Variants in CRTAC1 observed in about 807,000 individuals in gnomAD.
The protein encoded by CRTAC1 is cartilage acidic protein 1.
A neutral mutation model predicts 67.8 loss-of-function variants in CRTAC1; 37 were observed. That is an observed-to-expected ratio of 0.55 (90% CI 0.42 to 0.72). CRTAC1 has a LOEUF of 0.72. Ranked by LOEUF, CRTAC1 falls within the 30% of genes least tolerant of loss-of-function variation. The pLI, the probability that CRTAC1 is intolerant of heterozygous loss-of-function variation, is 0.00. For synonymous variants in CRTAC1, 348 were observed against 371.0 expected (o/e 0.94, Z 0.71); for missense variants, 780 against 931.6 (o/e 0.84, Z 2.12).
At chr10:97,940,282 C>G (rs1814962242) in intron 2 of CRTAC1, among the ~76,000 whole-genome samples, 1 of 152,192 alleles carries the variant, frequency 6.6e-6, no homozygotes, top group African/African-American at 2.4e-5. Flanking sequence ...GCTGGCAGTC[C>G]CCACGCTGAC....
At chr10:97,897,021 T>C (rs556719516) in intron 8 of CRTAC1, 30 bp from the exon 9 acceptor site, 1 of 1,523,838 alleles carries the variant, frequency 6.6e-7, no homozygotes, top group South Asian at 1.2e-5. Context: ...CTTGCTCTGG[T>C]GGGGTCTCAG....
At chr10:97,961,049 T>A (rs1302993373) in intron 2 of CRTAC1, among the ~76,000 whole-genome samples, 1 of 152,224 alleles carries the variant, frequency 6.6e-6, no homozygotes, top group East Asian at 1.9e-4. Context: ...AGGACCATCG[T>A]GTCATTGTGT....
intron 2 of CRTAC1, among the ~76,000 whole-genome samples, chr10:97,943,266 G>C (rs1013934617): frequency 4.6e-5 from 7 of 152,082 alleles, no homozygotes; most frequent in Non-Finnish European, 1.5e-5. Context: ...CAAGCACAGA[G>C]AAAATGATAT....
chr10:97,906,590 A>T (rs1189984615), intron 6 of CRTAC1, among the ~76,000 whole-genome samples: 1 of 152,048 alleles, frequency 6.6e-6, no homozygotes. Context: ...GGTTTTCTCC[A>T]CTATTCCCTC....
Position 97,959,463 on chromosome 10 carries a change from G to A in CRTAC1, c.225-23097C>T, listed in dbSNP as rs147942966. Among the ~76,000 whole-genome samples, 939 of 152,318 alleles carry A rather than the reference G, an allele frequency of 6.2e-3. 3 individuals are homozygous for A. Among genetic ancestry groups the A allele is most frequent in the Middle Eastern group, 0.014 (4 of 294 alleles). On this transcript the variant is annotated intron_variant, in intron 2 of 14. Coordinates refer to ENST00000370597, the MANE Select transcript of CRTAC1 (RefSeq NM_018058.7). ...GGAAAATTCATTCCTTGTCTATAAG[G>A]AATATCTGAGCTCCTGGCTCATTCC...
At chr10:97,951,082 A>T (rs2051348081) in intron 2 of CRTAC1, among the ~76,000 whole-genome samples, 1 of 152,156 alleles carries the variant, frequency 6.6e-6, no homozygotes, top group South Asian at 2.1e-4. Context: ...AGTGCCCTGT[A>T]TCTGTCAAGA....
intron 1 of CRTAC1, among the ~76,000 whole-genome samples, chr10:98,028,602 G>A (rs1843290057): frequency 6.6e-6 from 1 of 152,160 alleles, no homozygotes; most frequent in African/African-American, 2.4e-5. Context: ...CAAACATCAA[G>A]GTACCAAGGA....
rs528056401 is a variant in CRTAC1, at chr10:97,930,910, C to T, written c.421+5260G>A. Among the ~76,000 whole-genome samples the T allele has an allele frequency of 6.6e-5, 6 of 91,492 alleles. No individual in the cohort carries two copies. The South Asian group carries it at 3.1e-3, about 47-fold the overall frequency. The allele number at this position is 91,492 out of a possible 152,430, so 60.0% of individuals were successfully genotyped here. On this transcript the variant is annotated intron_variant, in intron 3 of 14. Transcript: ENST00000370597. ...AAATTTTCCACATTACAACATCCAC[C>T]AAGAGCAAAGACAAAAAAAAAAAAT...
At chr10:97,957,071 T>G (rs1384257799) in intron 2 of CRTAC1, among the ~76,000 whole-genome samples, 3 of 151,870 alleles carry the variant, frequency 2.0e-5, no homozygotes, top group African/African-American at 7.3e-5. Flanking sequence ...CACCTTGGCC[T>G]CTTAAAGTGT....
intron 11 of CRTAC1, among the ~76,000 whole-genome samples, chr10:97,890,603 C>G (rs1190843732): frequency 2.6e-5 from 4 of 152,054 alleles, no homozygotes; most frequent in Non-Finnish European, 5.9e-5. Flanking sequence ...CTCCTTGTTG[C>G]CCCTTCCTCT....
At chr10:97,965,268 C>T (rs915202852) in intron 2 of CRTAC1, among the ~76,000 whole-genome samples, 2 of 152,220 alleles carry the variant, frequency 1.3e-5, no homozygotes, top group African/African-American at 4.8e-5. Flanking sequence ...TGTGTGCCAA[C>T]TCAGCCCAAG....
intron 3 of CRTAC1, among the ~76,000 whole-genome samples, chr10:97,925,448 A>C (rs1241022697): frequency 6.6e-6 from 1 of 151,384 alleles, no homozygotes; most frequent in East Asian, 1.9e-4. Flanking sequence ...TGTGTCAGAG[A>C]ATGAGAGTGG....
At chr10:98,006,104 G>C (rs989953568) in intron 2 of CRTAC1, among the ~76,000 whole-genome samples, 1 of 152,150 alleles carries the variant, frequency 6.6e-6, no homozygotes, top group Non-Finnish European at 1.5e-5. Flanking sequence ...AGATGGTAGG[G>C]GTGTTACCTC....
At chr10:97,972,225 G>C (rs1359919672) in intron 2 of CRTAC1, among the ~76,000 whole-genome samples, 1 of 152,242 alleles carries the variant, frequency 6.6e-6, no homozygotes, top group African/African-American at 2.4e-5. Flanking sequence ...TGAGCAAAGA[G>C]AGTACCATGA....
At chr10:98,023,281 G>A (rs1440140027) in intron 1 of CRTAC1, among the ~76,000 whole-genome samples, 1 of 152,216 alleles carries the variant, frequency 6.6e-6, no homozygotes, top group Non-Finnish European at 1.5e-5. Context: ...ACCTTTGGAG[G>A]TTTACATAGT....
At chr10:97,964,741 C>A (rs1452342793) in intron 2 of CRTAC1, among the ~76,000 whole-genome samples, 1 of 152,216 alleles carries the variant, frequency 6.6e-6, no homozygotes, top group Non-Finnish European at 1.5e-5. Context: ...CAGAAGTCAG[C>A]ACCTCTAACT....
chr10:97,973,082 C>A (rs1007890152), intron 2 of CRTAC1, among the ~76,000 whole-genome samples: 3 of 152,110 alleles, frequency 2.0e-5, no homozygotes, highest in Admixed American at 6.5e-5. Flanking sequence ...AAGGAATATG[C>A]CATAATGCCA....
chr10:97,998,488 C>A (rs1842627896), intron 2 of CRTAC1, among the ~76,000 whole-genome samples: 2 of 152,038 alleles, frequency 1.3e-5, no homozygotes, highest in African/African-American at 4.8e-5. Flanking sequence ...TGAAAAGAAA[C>A]AATGGCAACC....
chr10:97,978,140 A>T (rs1263487740), intron 2 of CRTAC1, among the ~76,000 whole-genome samples: 1 of 152,048 alleles, frequency 6.6e-6, no homozygotes, highest in African/African-American at 2.4e-5. Context: ...ATGACCTAAG[A>T]CTTTGCTACG....
Sources: allele counts gnomAD v4.1 joint callset (sites outside exome capture counted in the v4.1 genomes callset), GRCh38; gene constraint gnomAD v4.1.1; transcripts MANE v1.5; gene names NCBI Gene and HGNC (gene_info 2026-07-23, HGNC 2026-07-21).